STXBP4: variants seen among roughly 807,000 people sequenced by gnomAD.
The protein encoded by STXBP4 is syntaxin binding protein 4, also known as syntaxin-binding protein 4.
In STXBP4, 55 loss-of-function variants were observed where a neutral mutation model predicts 76.1. That is an observed-to-expected ratio of 0.72 (90% CI 0.58 to 0.91). The LOEUF (loss-of-function observed/expected upper bound fraction) is 0.91, where lower values mean the gene tolerates loss of function less well. Among genes scored for constraint, STXBP4 ranks in the 40% least tolerant of loss-of-function variants. The pLI, the probability that STXBP4 is intolerant of heterozygous loss-of-function variation, is 0.00. For synonymous variants in STXBP4, 201 were observed against 220.2 expected, an observed-to-expected ratio of 0.91 and a Z score of 0.77; for missense variants, 618 against 636.9, an observed-to-expected ratio of 0.97 and a Z score of 0.32.
chr17:55,123,730 C>T (rs1435813137), intron 16 of STXBP4, among the ~76,000 whole-genome samples: 2 of 151,896 alleles, frequency 1.3e-5, no homozygotes, highest in Admixed American at 6.6e-5. Context: ...GAAACCCCGT[C>T]TCTACTAAAA....
the STXBP4 span, among the ~76,000 whole-genome samples, chr17:55,206,945 C>T: frequency 1.1e-3 from 166 of 151,708 alleles, 2 homozygotes; most frequent in Non-Finnish European, 4.0e-4. Context: ...TCCCATCTGT[C>T]ATGACAGGCA....
chr17:54,989,298 G>A (rs1421026355), intron 3 of STXBP4, among the ~76,000 whole-genome samples: 2 of 152,128 alleles, frequency 1.3e-5, no homozygotes, highest in Admixed American at 6.5e-5. Flanking sequence ...TAGTATAGAC[G>A]GGGTTTCACT....
chr17:55,140,293 G>A (rs1416815396), intron 16 of STXBP4, among the ~76,000 whole-genome samples: 1 of 152,144 alleles, frequency 6.6e-6, no homozygotes, highest in Non-Finnish European at 1.5e-5. Flanking sequence ...GGGCAACAGA[G>A]AGAAACCCTG....
chr17:55,085,743 G>A (rs2079317693), intron 16 of STXBP4, among the ~76,000 whole-genome samples: 1 of 152,086 alleles, frequency 6.6e-6, no homozygotes, highest in Non-Finnish European at 1.5e-5. Flanking sequence ...TCTGGGGTAA[G>A]TTCTGATTTC....
chr17:55,120,333 G>A (rs577242215), intron 16 of STXBP4, among the ~76,000 whole-genome samples: 9 of 152,298 alleles, frequency 5.9e-5, no homozygotes, highest in Admixed American at 3.9e-4. Context: ...CCCACATCAC[G>A]TTCACACAAA....
At chr17:55,206,853 C>T in the STXBP4 span, among the ~76,000 whole-genome samples, 1 of 54,198 alleles carries the variant, frequency 1.8e-5, no homozygotes, top group South Asian at 1.2e-3. Flanking sequence ...GAAACTCCGT[C>T]TCAGAAAAAA....
the STXBP4 span, among the ~76,000 whole-genome samples, chr17:55,202,359 C>G: frequency 6.6e-6 from 1 of 151,960 alleles, no homozygotes; most frequent in Non-Finnish European, 1.5e-5. Flanking sequence ...TTGAGTAGGA[C>G]TAAACAGGTA....
intron 8 of STXBP4, among the ~76,000 whole-genome samples, chr17:55,026,015 A>G (rs932683425): frequency 6.6e-6 from 1 of 152,210 alleles, no homozygotes; most frequent in Non-Finnish European, 1.5e-5. Flanking sequence ...CTTTTACAAT[A>G]GCATCTAAAA....
At chr17:55,112,831 T>C (rs368994959) in intron 16 of STXBP4, among the ~76,000 whole-genome samples, 9 of 152,034 alleles carry the variant, frequency 5.9e-5, no homozygotes, top group Non-Finnish European at 1.0e-4. Context: ...GTCAGGACGA[T>C]GGGAGCAAAT....
intron 1 of STXBP4, among the ~76,000 whole-genome samples, chr17:54,984,503 G>T (rs535378681): frequency 2.6e-5 from 4 of 151,580 alleles, no homozygotes; most frequent in Non-Finnish European, 5.9e-5. Context: ...CACCACGCCC[G>T]GCTAATTTTT....
chr17:54,990,237 C>T (rs1449022158), intron 3 of STXBP4, among the ~76,000 whole-genome samples: 1 of 152,166 alleles, frequency 6.6e-6, no homozygotes, highest in Non-Finnish European at 1.5e-5. Context: ...GATCAGAGGT[C>T]CCTAATCCCT....
intron 16 of STXBP4, among the ~76,000 whole-genome samples, chr17:55,086,886 T>A (rs1414897708): frequency 6.6e-6 from 1 of 152,166 alleles, no homozygotes; most frequent in Admixed American, 6.5e-5. Flanking sequence ...CCACCAGTGG[T>A]GTACAAGGGT....
At chr17:55,157,655 C>T (rs537340266) in intron 17 of STXBP4, among the ~76,000 whole-genome samples, 3 of 152,218 alleles carry the variant, frequency 2.0e-5, no homozygotes, top group African/African-American at 2.4e-5. Flanking sequence ...ATAATAAAAC[C>T]GCTAGTAATC....
At chr17:55,159,047 C>G (rs1385775703) in intron 17 of STXBP4, among the ~76,000 whole-genome samples, 5 of 152,182 alleles carry the variant, frequency 3.3e-5, no homozygotes, top group Non-Finnish European at 7.3e-5. Context: ...GAGTTCCAGA[C>G]CAGCCTGGCC....
At chr17:55,063,066 A>C (rs2628305) in intron 12 of STXBP4, among the ~76,000 whole-genome samples, 110,954 of 152,072 alleles carry the variant, frequency 0.73, 40,633 homozygotes, top group East Asian at 0.91. Flanking sequence ...CCATTAAACT[A>C]TGACCAAGAA....
At chr17:55,181,335 T>C in the STXBP4 span, among the ~76,000 whole-genome samples, 1 of 152,224 alleles carries the variant, frequency 6.6e-6, no homozygotes, top group African/African-American at 2.4e-5. Context: ...AATTAAATTG[T>C]ATTCTATTAT....
At chr17:55,125,722 C>T (rs1321969646) in intron 16 of STXBP4, among the ~76,000 whole-genome samples, 1 of 152,090 alleles carries the variant, frequency 6.6e-6, no homozygotes, top group Non-Finnish European at 1.5e-5. Flanking sequence ...CTTGCATGAG[C>T]CTGAGGGAGG....
chr17:55,027,027 C>T (rs140715077), intron 8 of STXBP4, among the ~76,000 whole-genome samples: 1 of 152,060 alleles, frequency 6.6e-6, no homozygotes. Context: ...TAGCCAATAC[C>T]GCAAGTGAGA....
chr17:55,008,024 T>G (rs2078040370), intron 8 of STXBP4, among the ~76,000 whole-genome samples: 1 of 152,172 alleles, frequency 6.6e-6, no homozygotes, highest in South Asian at 2.1e-4. Flanking sequence ...AATAGTCAGA[T>G]GTCCACTAAA....
Sources: gnomAD v4.1 joint callset for allele counts (sites outside exome capture counted in the v4.1 genomes callset) on GRCh38, gnomAD v4.1.1 for gene constraint, MANE v1.5 for transcripts, NCBI Gene and HGNC (gene_info 2026-07-23, HGNC 2026-07-21) for gene names.